Variants in SSC5D observed in about 807,000 individuals in gnomAD.
SSC5D encodes the protein scavenger receptor cysteine rich family member with 5 domains, also known as soluble scavenger receptor cysteine-rich domain-containing protein SSC5D.
Under a neutral mutation model 104.6 loss-of-function variants are expected in SSC5D, and 106 were observed. That is an observed-to-expected ratio of 1.01 (90% CI 0.87 to 1.19). The LOEUF (loss-of-function observed/expected upper bound fraction) is 1.19, where lower values mean the gene tolerates loss of function less well. SSC5D is among the 50% of genes most tolerant of loss of function. The pLI is 0.00. For synonymous variants in SSC5D, 860 were observed against 883.5 expected (o/e 0.97, Z 0.47); for missense variants, 1,993 against 2,153.8 (o/e 0.93, Z 1.48).
chr19:55,504,830 C>T (rs1987602588), intron 12 of SSC5D, among the ~76,000 whole-genome samples: 1 of 152,032 alleles, frequency 6.6e-6, no homozygotes, highest in African/African-American at 2.4e-5. Context: ...AAATGGGGCG[C>T]CAGGGTTGTT....
rs1599916203 is a variant in SSC5D at position 55,494,787 on chromosome 19, A to G, written c.1387+4A>G. On this transcript the variant is annotated splice_donor_region_variant and intron_variant, in intron 8 of 13. Coordinates refer to ENST00000389623, the MANE Select transcript of SSC5D (RefSeq NM_001144950.2). ...TGGGAGCCTGGACCGGAAGCCGGTG[A>G]GTCCCTCCATGCTCCCCAAGAAAAC... is the stretch of plus-strand genomic sequence containing the variant. 1 of 1,539,150 alleles carries G rather than the reference A, an allele frequency of 6.5e-7. No individual in the cohort carries two copies. Among genetic ancestry groups the G allele is most frequent in the Non-Finnish European group, 8.8e-7 (1 of 1,139,396 alleles).
At chr19:55,512,125 G>A (rs962153192) in intron 12 of SSC5D, among the ~76,000 whole-genome samples, 5 of 151,102 alleles carry the variant, frequency 3.3e-5, no homozygotes, top group African/African-American at 4.9e-5. Flanking sequence ...ACTTGACCCC[G>A]GGAGGCAGAG....
At chr19:55,501,304 C>T (rs1838003409) in intron 12 of SSC5D, 103 bp downstream of exon 12, 1 of 1,349,712 alleles carries the variant, frequency 7.4e-7, no homozygotes, top group Non-Finnish European at 9.9e-7. Flanking sequence ...TGGCTGAGGC[C>T]TCGGGGCACC....
At chr19:55,499,422 C>T (rs905585309) in intron 9 of SSC5D, among the ~76,000 whole-genome samples, 6 of 152,258 alleles carry the variant, frequency 3.9e-5, no homozygotes, top group Middle Eastern at 3.4e-3. Flanking sequence ...AGTGGCCTGT[C>T]GGACCTGGGT....
rs1169287450 is a variant in SSC5D at position 55,517,313 on chromosome 19, G to A, written c.3037G>A (p.Ala1013Thr). The A allele has an allele frequency of 2.1e-5, 32 of 1,549,396 alleles. No homozygotes were observed. The Admixed American group carries it at 6.3e-4, about 30-fold the overall frequency. The change falls in exon 14 of 14, where the codon GCC becomes ACC. Residue 1013 changes from alanine (A) to threonine (T), a missense_variant. By Grantham distance (58) the Ala-to-Thr change is moderately conservative (BLOSUM62 0). Coordinates refer to ENST00000389623, the MANE Select transcript of SSC5D (RefSeq NM_001144950.2). ...APPTPSPGPS[A>T]SPGPPGPALT... Reference sequence around the variant, plus strand: ...CCCAACCCCGTCCCCAGGTCCCTCCGCCTCTCCGGGACCCCCAGGCCCAGC... The same window carrying A: ...CCCAACCCCGTCCCCAGGTCCCTCCACCTCTCCGGGACCCCCAGGCCCAGC...
Position 55,503,280 on chromosome 19 carries a change from TTC to T in SSC5D, c.2785+2082_2785+2083del, listed in dbSNP as rs1987558348. ...CCGTCCTCTTGTCTTTCACTTTCAG[TTC>T]TCAGCTTCGCCACCTGCTTCTCACT... On this transcript the variant is annotated intron_variant, in intron 12 of 13. Transcript: ENST00000389623. This position sits in a 1 kb window ranked among gnomAD's most constrained non-coding sequence, Gnocchi z 4.0. 6.6e-6 allele frequency among the ~76,000 whole-genome samples: 1 copy of T among 152,252 alleles called. No individual in the cohort carries two copies. Among genetic ancestry groups the T allele is most frequent in the Admixed American group, 6.5e-5 (1 of 15,286 alleles).
rs1417409885 is a variant in SSC5D, at chr19:55,517,847, A to G, written c.3571A>G (p.Thr1191Ala). The G allele has an allele frequency of 1.6e-5, 18 of 1,114,034 alleles. No individual in the cohort carries two copies. Among genetic ancestry groups the G allele is most frequent in the African/African-American group, 2.7e-5 (1 of 37,538 alleles). The allele number at this position is 1,114,034 out of a possible 1,614,324, so 69.0% of individuals were successfully genotyped here. ...PTTTPHPTTI[T>A]HSTMIPDPTT... is the part of the protein sequence containing the mutation. ...CACGACCCCTCACCCCACCACCATC[A>G]CTCACTCCACCATGATTCCTGACCC... Residue 1191 changes from threonine (T) to alanine (A), a missense_variant, in exon 14 of 14, where the codon ACT (threonine) becomes GCT (alanine). This residue lies in a region of SSC5D where 30 missense variants were observed against 52.4 expected (regional missense o/e 0.57). Transcript: ENST00000389623.
chr19:55,517,323 G>T lies in SSC5D; in HGVS notation c.3047G>T (p.Gly1016Val), dbSNP rs1987894134. ...TPSPGPSASPGPPGPALTSDS... is the reference protein window; with the variant it reads ...TPSPGPSASPVPPGPALTSDS... ...TCCCCAGGTCCCTCCGCCTCTCCGG[G>T]ACCCCCAGGCCCAGCGCTGACCTCT... The change falls in exon 14 of 14, where the codon GGA (glycine) becomes GTA (valine). Residue 1016 changes from glycine to valine, a missense_variant. Transcript: ENST00000389623. 6.5e-7 allele frequency: 1 copy of T among 1,549,882 alleles called. No homozygotes were observed. The highest frequency in any genetic ancestry group is 8.7e-7 in the Non-Finnish European group (1 of 1,146,882).
Position 55,518,372 on chromosome 19 carries a change from T to G in SSC5D, c.4096T>G (p.Leu1366Val), listed in dbSNP as rs1213709336. The G allele has an allele frequency of 6.4e-7, 1 of 1,550,852 alleles. No individual in the cohort carries two copies. The highest frequency in any genetic ancestry group is 2.0e-5 in the Admixed American group (1 of 50,904). Residue 1366 changes from leucine to valine, a missense_variant, in exon 14 of 14, where the codon TTG becomes GTG. Physicochemically the swap from Leu to Val is conservative, Grantham distance 32 (BLOSUM62 1). Coordinates refer to ENST00000389623, the MANE Select transcript of SSC5D (RefSeq NM_001144950.2). The stretch of plus-strand genomic sequence containing the variant: ...AGTCAAGCCCAGTCTGCACCCCCAG[T>G]TGACCTTCACAGCACCTGCCCCTCA... ...PTVKPSLHPQ[L>V]TFTAPAPHTS...
rs758004836 is a variant in SSC5D, at chr19:55,517,658, G to T, written c.3382G>T (p.Asp1128Tyr). The change falls in exon 14 of 14, where the codon GAC (aspartate) becomes TAC (tyrosine). Residue 1128 changes from aspartate (D) to tyrosine (Y), a missense_variant. By Grantham distance (160) the Asp-to-Tyr change is radical (BLOSUM62 -3). Transcript: ENST00000389623. ...VPESDTTPDL[D>Y]TTPYSSTVSE... The stretch of plus-strand genomic sequence containing the variant: ...AGAATCTGACACAACCCCAGATTTG[G>T]ACACAACTCCATACTCCAGTACAGT... The T allele has an allele frequency of 8.4e-5, 131 of 1,551,240 alleles. No homozygotes were observed. Among genetic ancestry groups the T allele is most frequent in the Non-Finnish European group, 5.7e-5 (65 of 1,146,938 alleles).
At chr19:55,511,504 G>A (rs1987755841) in intron 12 of SSC5D, among the ~76,000 whole-genome samples, 1 of 152,184 alleles carries the variant, frequency 6.6e-6, no homozygotes, top group Non-Finnish European at 1.5e-5. Flanking sequence ...TGAAAAGCCT[G>A]CGCGTTGTGG....
rs1987963656 is a variant in SSC5D, at chr19:55,519,029, C to A, written c.*31C>A. 2 of 1,514,402 alleles carry A rather than the reference C, an allele frequency of 1.3e-6. No homozygotes were observed. Among genetic ancestry groups the A allele is most frequent in the African/African-American group, 1.4e-5 (1 of 70,664 alleles). 93.8% of individuals were successfully genotyped at this position (1,514,402 alleles called of 1,614,324 possible). On this transcript the variant is annotated 3_prime_UTR_variant, in exon 14 of 14. Transcript: ENST00000389623. The stretch of plus-strand genomic sequence containing the variant: ...TCCAGGATTTGAGGGGCTTAAGACA[C>A]CCCCAACCAAAAAAAACAAAAACAA...
rs1987551686 is a variant in SSC5D at position 55,503,121 on chromosome 19, T to G, written c.2785+1920T>G. Among the ~76,000 whole-genome samples, 1 of 152,110 alleles carries G rather than the reference T, an allele frequency of 6.6e-6. No individual in the cohort carries two copies. ...AGCCACTGCTCCCGGCCTGATTTTT[T>G]GTCGAGATGGGTTCTCACTATGTTG... On this transcript the variant is annotated intron_variant, in intron 12 of 13. Transcript: ENST00000389623. This position sits in a 1 kb window ranked among gnomAD's most constrained non-coding sequence, Gnocchi z 4.0.
chr19:55,493,838 T>A lies in SSC5D; in HGVS notation c.1139T>A (p.Leu380Ter). 6.5e-7 allele frequency: 1 copy of A among 1,549,408 alleles called. No individual in the cohort carries two copies. The highest frequency in any genetic ancestry group is 8.7e-7 in the Non-Finnish European group (1 of 1,146,624). ...CGGTGTCGGGGAAACGAGACGGCCT[T>A]ACGATTCTGCCCAGCTCGGCCCTGG... ...DLRCRGNETA[L>*]RFCPARPWGQ... Residue 380 changes from leucine (L) to a stop codon, truncating the protein, a stop_gained, in exon 7 of 14, where the codon TTA (leucine) becomes TAA (stop). Coordinates refer to ENST00000389623, the MANE Select transcript of SSC5D (RefSeq NM_001144950.2). LOFTEE classifies it high-confidence loss of function.
chr19:55,490,535 C>T (rs866535016), intron 5 of SSC5D, 127 bp downstream of exon 5: 25 of 609,448 alleles, frequency 4.1e-5, no homozygotes, highest in East Asian at 1.8e-4. Context: ...GTGTTCCCCG[C>T]GTCCCTCCCC....
At chr19:55,504,377 T>G in intron 12 of SSC5D, 1 of 1,349,092 alleles carries the variant, frequency 7.4e-7, no homozygotes, top group South Asian at 1.8e-5. Flanking sequence ...ATAGGAAGAC[T>G]TGGAGGCGTA....
At position 55,489,648 on chromosome 19, in the gene SSC5D, GCGT is replaced by G. The variant is rs769370302; in HGVS notation, c.352_354del (p.Val118del). ...ATCTGCTCCCACGAGGAGGACGCGG[GCGT>G]CGTCTGCGCAGGTGAGGACACCCTG... is the stretch of plus-strand genomic sequence containing the variant. On this transcript the variant is annotated inframe_deletion, in exon 3 of 14. Transcript: ENST00000389623. 23 of 1,533,124 alleles carry G rather than the reference GCGT, an allele frequency of 1.5e-5. No homozygotes were observed. In the South Asian group the frequency reaches 1.8e-4, roughly 12 times the overall value. The allele number at this position is 1,533,124 out of a possible 1,614,324, so 95.0% of individuals were successfully genotyped here.
In SSC5D at chr19:55,501,209, G is replaced by A. The variant is rs759234084; in HGVS notation, c.2785+8G>A. 42 of 1,508,886 alleles carry A rather than the reference G, an allele frequency of 2.8e-5. 1 individual carries two copies. In the South Asian group the frequency reaches 4.7e-4, roughly 17 times the overall value. 93.5% of individuals were successfully genotyped at this position (1,508,886 alleles called of 1,614,324 possible). Reference sequence around the variant, plus strand: ...GGCGCCTGCCGGACACAGGTGAGAGGCCTGATTGGGGTGGCCATGGAGGGC... The same window carrying A: ...GGCGCCTGCCGGACACAGGTGAGAGACCTGATTGGGGTGGCCATGGAGGGC... On this transcript the variant is annotated splice_region_variant and intron_variant, in intron 12 of 13. Coordinates refer to ENST00000389623, the MANE Select transcript of SSC5D (RefSeq NM_001144950.2).
intron 13 of SSC5D, among the ~76,000 whole-genome samples, chr19:55,516,653 A>G (rs1163532279): frequency 6.6e-6 from 1 of 151,692 alleles, no homozygotes; most frequent in Non-Finnish European, 1.5e-5. Context: ...ATATTGCATA[A>G]AAACGCTTGA....
Sources: gnomAD v4.1 joint callset for allele counts (sites outside exome capture counted in the v4.1 genomes callset) on GRCh38, gnomAD v4.1.1 for gene constraint, gnomAD v4.1.1 regional missense constraint, Gnocchi (gnomAD v3.1) non-coding constraint, MANE v1.5 for transcripts, NCBI Gene and HGNC (gene_info 2026-07-23, HGNC 2026-07-21) for gene names.